PKHD1: variants seen among roughly 807,000 people sequenced by gnomAD.
The protein encoded by PKHD1 is fibrocystin.
In PKHD1, 291 loss-of-function variants were observed where a neutral mutation model predicts 412.0. The observed-to-expected ratio is 0.71, with a 90% CI of 0.64 to 0.78. The LOEUF is 0.78. Ranked by LOEUF, PKHD1 falls within the 30% of genes least tolerant of loss-of-function variation. The pLI, the probability that PKHD1 is intolerant of heterozygous loss-of-function variation, is 0.00. For missense variants in PKHD1, 4,825 were observed against 4,950.7 expected (o/e 0.97, Z 0.76); for synonymous variants, 1,777 against 1,821.5 (o/e 0.98, Z 0.62).
chr6:52,055,765 T>G (rs1292094091), intron 18 of PKHD1, 36 bp from the exon 19 acceptor site: 1 of 1,610,104 alleles, frequency 6.2e-7, no homozygotes, highest in Non-Finnish European at 8.5e-7. Context: ...AAGGCAGGCA[T>G]AGATATTAAA....
At chr6:52,017,348 C>T (rs1005461905) in intron 34 of PKHD1, 62 bp downstream of exon 34, 2 of 1,182,738 alleles carry the variant, frequency 1.7e-6, no homozygotes, top group Admixed American at 3.4e-5. Context: ...TCTCTGATGG[C>T]TCCATCGGTC....
At chr6:51,686,741 G>A (rs1247119459) in intron 60 of PKHD1, among the ~76,000 whole-genome samples, 2 of 152,102 alleles carry the variant, frequency 1.3e-5, no homozygotes, top group Admixed American at 6.6e-5. Context: ...CAGGCACATA[G>A]TAGACTCAGT....
intron 33 of PKHD1, 109 bp downstream of exon 33, chr6:52,022,692 T>C: frequency 9.0e-7 from 1 of 1,109,248 alleles, no homozygotes; most frequent in Non-Finnish European, 1.3e-6. Context: ...TAGGCACACA[T>C]AGAGAAATTA....
At chr6:51,984,188 G>A (rs1795935068) in intron 35 of PKHD1, among the ~76,000 whole-genome samples, 1 of 152,210 alleles carries the variant, frequency 6.6e-6, no homozygotes, top group Non-Finnish European at 1.5e-5. Context: ...TATGGGTAAT[G>A]CCATTAAAAT....
intron 60 of PKHD1, among the ~76,000 whole-genome samples, chr6:51,706,369 T>A (rs1780017914): frequency 6.6e-6 from 1 of 151,980 alleles, no homozygotes; most frequent in Admixed American, 6.6e-5. Flanking sequence ...CCAACCTGTC[T>A]AAGAGATACT....
At chr6:52,076,136 C>T (rs1811295094) in intron 6 of PKHD1, 140 bp downstream of exon 6, 2 of 699,098 alleles carry the variant, frequency 2.9e-6, no homozygotes, top group Admixed American at 2.1e-5. Context: ...AAAAATGAAC[C>T]AGAGGTTGAC....
chr6:51,746,241 A>G (rs115688764), intron 59 of PKHD1, among the ~76,000 whole-genome samples: 319 of 152,180 alleles, frequency 2.1e-3, no homozygotes, highest in African/African-American at 7.1e-3. Context: ...AGCAGACACA[A>G]TCTCCTTCTA....
At position 52,022,956 on chromosome 6, in the gene PKHD1, A is replaced by G. The variant is rs1366663203; in HGVS notation, c.5237-12T>C. 1 of 1,614,016 alleles carries G rather than the reference A, an allele frequency of 6.2e-7. No homozygotes were observed. The highest frequency in any genetic ancestry group is 1.7e-5 in the Admixed American group (1 of 60,010). ...TCCACCCAGGCAGCCTTTAAAGACA[A>G]AGGTACAAGTTCTTGATCATACAGG... On this transcript the variant is annotated splice_polypyrimidine_tract_variant and intron_variant, in intron 32 of 66. Coordinates refer to ENST00000371117, the MANE Select transcript of PKHD1 (RefSeq NM_138694.4).
At chr6:51,868,724 G>A (rs956818508) in intron 47 of PKHD1, among the ~76,000 whole-genome samples, 1 of 151,988 alleles carries the variant, frequency 6.6e-6, no homozygotes, top group Non-Finnish European at 1.5e-5. Flanking sequence ...CTTACTATAA[G>A]GTTTATTTAA....
intron 55 of PKHD1, among the ~76,000 whole-genome samples, chr6:51,765,875 C>T (rs1470680352): frequency 6.6e-6 from 1 of 152,076 alleles, no homozygotes; most frequent in Non-Finnish European, 1.5e-5. Context: ...GCTGTTTGCT[C>T]TGGCTAGAAC....
intron 43 of PKHD1, among the ~76,000 whole-genome samples, chr6:51,889,693 A>C (rs568411645): frequency 9.8e-5 from 15 of 152,300 alleles, no homozygotes; most frequent in Non-Finnish European, 1.9e-4. Context: ...AGGTGCTCTG[A>C]TAGGTCTGCT....
intron 52 of PKHD1, among the ~76,000 whole-genome samples, chr6:51,822,777 T>A (rs1766660413): frequency 6.6e-6 from 1 of 152,192 alleles, no homozygotes; most frequent in Non-Finnish European, 1.5e-5. Flanking sequence ...TTTCTATTGA[T>A]GGTACCCCTA....
intron 60 of PKHD1, among the ~76,000 whole-genome samples, chr6:51,743,975 T>A (rs946882622): frequency 2.0e-5 from 3 of 152,200 alleles, no homozygotes; most frequent in African/African-American, 7.2e-5. Context: ...ACCCTACCAT[T>A]GAGAGAGCGC....
In PKHD1 at chr6:52,065,934, T is replaced by C. The variant is rs754400707; in HGVS notation, c.880+42A>G. 10 of 957,326 alleles carry C rather than the reference T, an allele frequency of 1.0e-5. No homozygotes were observed. Among genetic ancestry groups the C allele is most frequent in the African/African-American group, 9.6e-5 (6 of 62,260 alleles). 59.3% of individuals were successfully genotyped at this position (957,326 alleles called of 1,614,324 possible). On this transcript the variant is annotated intron_variant, in intron 12 of 66. Transcript: ENST00000371117. ...TACAGACATATAATCTCCTAGAGCA[T>C]CTAAAACTATGAACTATTTTCAGCC...
At chr6:51,850,762 G>T (rs1772073567) in intron 49 of PKHD1, among the ~76,000 whole-genome samples, 1 of 152,146 alleles carries the variant, frequency 6.6e-6, no homozygotes, top group South Asian at 2.1e-4. Flanking sequence ...AGACTTTGAA[G>T]CTGAAGTTGC....
At chr6:51,637,009 T>A (rs1768665176) in intron 64 of PKHD1, among the ~76,000 whole-genome samples, 1 of 152,170 alleles carries the variant, frequency 6.6e-6, no homozygotes, top group East Asian at 1.9e-4. Context: ...AGGCTGTAAG[T>A]AGAAACTACA....
chr6:51,830,782 G>A, intron 52 of PKHD1, 79 bp downstream of exon 52: 1 of 1,357,294 alleles, frequency 7.4e-7, no homozygotes, highest in South Asian at 1.2e-5. Context: ...TTACTGTGTT[G>A]TACAATATAA....
At chr6:51,705,595 T>G (rs1236019421) in intron 60 of PKHD1, among the ~76,000 whole-genome samples, 1 of 152,104 alleles carries the variant, frequency 6.6e-6, no homozygotes, top group East Asian at 1.9e-4. Flanking sequence ...CAGCACAGAT[T>G]GATGACTGTT....
intron 37 of PKHD1, among the ~76,000 whole-genome samples, chr6:51,923,413 G>A (rs1231670211): frequency 6.6e-6 from 1 of 151,808 alleles, no homozygotes; most frequent in East Asian, 1.9e-4. Flanking sequence ...GTGTGGCTGT[G>A]CCTCAATAAA....
Sources: allele counts gnomAD v4.1 joint callset (sites outside exome capture counted in the v4.1 genomes callset), GRCh38; gene constraint gnomAD v4.1.1; transcripts MANE v1.5; gene names NCBI Gene and HGNC (gene_info 2026-07-23, HGNC 2026-07-21).